POLE: variants seen among roughly 807,000 people sequenced by gnomAD.
The protein encoded by POLE is DNA polymerase epsilon, catalytic subunit, also known as DNA polymerase epsilon catalytic subunit A.
In POLE, 188 loss-of-function variants were observed where a neutral mutation model predicts 279.2. The ratio of observed to expected loss-of-function variants is 0.67; its 90% CI spans 0.60 to 0.76. POLE has a LOEUF of 0.76. POLE is among the 30% of genes least tolerant of loss of function. POLE has a pLI of 0.00. For synonymous variants in POLE, 1,214 were observed against 1,172.5 expected (o/e 1.04, Z -0.72); for missense variants, 2,703 against 3,016.7 (o/e 0.90, Z 2.44).
At chr12:132,627,623 T>C (rs1236698579) in intron 45 of POLE, among the ~76,000 whole-genome samples, 4 of 152,242 alleles carry the variant, frequency 2.6e-5, no homozygotes, top group Non-Finnish European at 5.9e-5. Flanking sequence ...CCCTATACTG[T>C]AGTCTATTAA....
At chr12:132,662,433 G>A (rs562453122) in intron 23 of POLE, among the ~76,000 whole-genome samples, 4 of 152,324 alleles carry the variant, frequency 2.6e-5, no homozygotes, top group African/African-American at 9.6e-5. Context: ...TATCACTGAA[G>A]GAGAAAGAAG....
chr12:132,668,894 G>A lies in POLE; in HGVS notation c.1840C>T (p.Pro614Ser). 6.2e-7 allele frequency: 1 copy of A among 1,614,158 alleles called. No individual in the cohort carries two copies. Among genetic ancestry groups the A allele is most frequent in the Non-Finnish European group, 8.5e-7 (1 of 1,180,002 alleles). Residue 614 changes from proline to serine, a missense_variant, in exon 17 of 49, where the codon CCC becomes TCC. Pro to Ser is a moderately conservative substitution (Grantham distance 74, BLOSUM62 -1). This residue lies in a region of POLE where 1,011 missense variants were observed against 1,111.7 expected (regional missense o/e 0.91). Transcript: ENST00000320574. This position sits in a 1 kb window ranked among gnomAD's most constrained non-coding sequence, Gnocchi z 4.0. The stretch of plus-strand genomic sequence containing the variant: ...ATGAGTGGACACTCGATGCGGCTGG[G>A]AACGTCCTTCAGGGAGGCAAGCTTG... The part of the protein sequence containing the change: ...KSKLASLKDV[P>S]SRIECPLIYH...
At position 132,625,701 on chromosome 12, in the gene POLE, T is replaced by C. The variant is rs878854895; in HGVS notation, c.6601A>G (p.Met2201Val). ...QAPYDSSAIE[M>V]TLVEVLQKKL... ...TTCTGTAGAACTTCCACCAGCGTCA[T>C]CTCGATGGCAGAGGAGTCGTAGGGC... Residue 2201 changes from methionine (M) to valine (V), a missense_variant, in exon 47 of 49, where the codon ATG becomes GTG. Physicochemically the swap from Met to Val is conservative, Grantham distance 21. Coordinates refer to ENST00000320574, the MANE Select transcript of POLE (RefSeq NM_006231.4). The C allele has an allele frequency of 3.1e-6, 5 of 1,613,582 alleles. No homozygotes were observed. In the East Asian group the frequency reaches 6.7e-5, roughly 22 times the overall value.
chr12:132,678,731 G>A (rs2043108702), intron 6 of POLE, among the ~76,000 whole-genome samples: 2 of 152,226 alleles, frequency 1.3e-5, no homozygotes, highest in African/African-American at 4.8e-5. Flanking sequence ...GCCTGTGCAT[G>A]GGTCTCTGCC....
rs562949487 is a variant in POLE at position 132,647,645 on chromosome 12, G to A, written c.4149+1284C>T. Among the ~76,000 whole-genome samples the A allele has an allele frequency of 7.2e-5, 11 of 152,180 alleles. No homozygotes were observed. In the South Asian group the frequency reaches 2.3e-3, roughly 32 times the overall value. On this transcript the variant is annotated intron_variant, in intron 32 of 48. Coordinates refer to ENST00000320574, the MANE Select transcript of POLE (RefSeq NM_006231.4). ...TGCTGACACCATCCAGTCAAACGTT[G>A]AGGACAGAATATTCACACAGCGCCA...
chr12:132,675,698 T>A lies in POLE; in HGVS notation c.1106+37A>T, dbSNP rs760609851. On this transcript the variant is annotated intron_variant, in intron 11 of 48. Transcript: ENST00000320574. This position sits in a 1 kb window ranked among gnomAD's most constrained non-coding sequence, Gnocchi z 4.3. ...ACCACGCAACGCCCTCCCTCTCAAATGCTGCCCAGTTACTCATAGAGAAGA... is the reference window on the plus strand; with the variant it reads ...ACCACGCAACGCCCTCCCTCTCAAAAGCTGCCCAGTTACTCATAGAGAAGA... 1 of 1,593,500 alleles carries A rather than the reference T, an allele frequency of 6.3e-7. No individual in the cohort carries two copies. Among genetic ancestry groups the A allele is most frequent in the Non-Finnish European group, 8.6e-7 (1 of 1,161,590 alleles).
intron 3 of POLE, 146 bp downstream of exon 3, chr12:132,680,461 A>AT: frequency 1.4e-6 from 1 of 696,512 alleles, no homozygotes. Flanking sequence ...ATCTTACGTG[A>AT]TGACTGATGG....
Position 132,672,813 on chromosome 12 carries a change from C to T in POLE, c.1500G>A (p.Leu500=), listed in dbSNP as rs2042961425. 3 of 1,614,180 alleles carry T rather than the reference C, an allele frequency of 1.9e-6. No individual in the cohort carries two copies. The highest frequency in any genetic ancestry group is 1.1e-5 in the South Asian group (1 of 91,084). Residue 500 remains leucine, a synonymous_variant, in exon 15 of 49, where the codon CTG becomes CTA. Coordinates refer to ENST00000320574, the MANE Select transcript of POLE (RefSeq NM_006231.4). The stretch of plus-strand genomic sequence containing the variant: ...CCTGCACCATCAGCAAGGCCTCACA[C>T]AGAGTGCCAGAGCCCTTCCGCAGCA... ...DEVLRKGSGT[L]CEALLMVQAF... is the part of the protein sequence containing the mutation.
chr12:132,637,117 T>C (rs1259150518), intron 41 of POLE, among the ~76,000 whole-genome samples: 1 of 152,232 alleles, frequency 6.6e-6, no homozygotes, highest in Non-Finnish European at 1.5e-5. Flanking sequence ...TCATCTTGGA[T>C]AGACATAAGG....
In POLE at chr12:132,632,664, C is replaced by T. The variant is rs1462887616; in HGVS notation, c.6136G>A (p.Gly2046Arg). The T allele has an allele frequency of 3.1e-6, 5 of 1,613,966 alleles. No homozygotes were observed. The highest frequency in any genetic ancestry group is 3.3e-5 in the Admixed American group (2 of 60,020). ...EAEGAVGALP[G>R]MITFSQDYVA... The stretch of plus-strand genomic sequence containing the variant: ...CCTCAAAAGACAAAAGACTGCTCAC[C>T]GGGAAGGGCTCCGACCGCCCCCTCG... The change falls in exon 44 of 49, where the codon GGA (glycine) becomes AGA (arginine). Residue 2046 changes from glycine (G) to arginine (R), a missense_variant and splice_region_variant. By Grantham distance (125) the Gly-to-Arg change is moderately radical. Transcript: ENST00000320574.
chr12:132,645,697 C>T (rs936082380), intron 32 of POLE, among the ~76,000 whole-genome samples: 1 of 152,042 alleles, frequency 6.6e-6, no homozygotes, highest in African/African-American at 2.4e-5. Context: ...CGTTATTTGG[C>T]GTAACAACAA....
Position 132,639,392 on chromosome 12 carries a change from TA to T in POLE, c.5379-95del. ...AACTGAAATGGGCACAGGTTTTCCC[TA>T]CACGGCTGGGTCCAAATCCGTCACT... On this transcript the variant is annotated intron_variant, in intron 39 of 48. Coordinates refer to ENST00000320574, the MANE Select transcript of POLE (RefSeq NM_006231.4). This position sits in a 1 kb window ranked among gnomAD's most constrained non-coding sequence, Gnocchi z 4.7. The T allele has an allele frequency of 8.2e-7, 1 of 1,212,834 alleles. No individual in the cohort carries two copies. The highest frequency in any genetic ancestry group is 1.2e-6 in the Non-Finnish European group (1 of 854,814). The allele number at this position is 1,212,834 out of a possible 1,614,324, so 75.1% of individuals were successfully genotyped here.
At chr12:132,657,031 G>T in intron 29 of POLE, 105 bp downstream of exon 29, 1 of 1,268,682 alleles carries the variant, frequency 7.9e-7, no homozygotes. Context: ...CATTTTCGAT[G>T]CTTGAACAGA....
At position 132,632,496 on chromosome 12, in the gene POLE, A is replaced by G. The variant is rs1335118491; in HGVS notation, c.6149T>C (p.Phe2050Ser). 2 of 1,613,892 alleles carry G rather than the reference A, an allele frequency of 1.2e-6. No individual in the cohort carries two copies. The highest frequency in any genetic ancestry group is 1.3e-5 in the African/African-American group (1 of 74,896). Residue 2050 changes from phenylalanine (F) to serine (S), a missense_variant, in exon 45 of 49, where the codon TTC (phenylalanine) becomes TCC (serine). By Grantham distance (155) the Phe-to-Ser change is radical. Transcript: ENST00000320574. The stretch of plus-strand genomic sequence containing the variant: ...CTCATTTGCGACATAATCCTGAGAG[A>G]AGGTGATCATTCCTGGAAGTATAAG... Reference protein sequence around the residue: ...AVGALPGMITFSQDYVANELT... With the variant: ...AVGALPGMITSSQDYVANELT...
chr12:132,679,565 G>C lies in POLE; in HGVS notation c.510C>G (p.Ile170Met), dbSNP rs374074035. The C allele has an allele frequency of 6.2e-7, 1 of 1,614,118 alleles. No homozygotes were observed. The highest frequency in any genetic ancestry group is 1.6e-4 in the Middle Eastern group (1 of 6,062). ...VEDLVKVRKE[I>M]SPAVKKNREQ... ...CCCTGTTCTTCTTCACGGCAGGGGAGATCTCCTTCCTCACTTTGACAAGAT... is the reference window on the plus strand; with the variant it reads ...CCCTGTTCTTCTTCACGGCAGGGGACATCTCCTTCCTCACTTTGACAAGAT... The change falls in exon 6 of 49, where the codon ATC becomes ATG. Residue 170 changes from isoleucine (I) to methionine (M), a missense_variant. This residue lies in a region of POLE where 1,011 missense variants were observed against 1,111.7 expected (regional missense o/e 0.91). Transcript: ENST00000320574.
Position 132,661,401 on chromosome 12 carries a change from T to C in POLE, c.2864+126A>G. 1.8e-6 allele frequency: 2 copies of C among 1,103,054 alleles called. No homozygotes were observed. Among genetic ancestry groups the C allele is most frequent in the Non-Finnish European group, 2.6e-6 (2 of 762,890 alleles). The allele number at this position is 1,103,054 out of a possible 1,614,324, so 68.3% of individuals were successfully genotyped here. A position where few individuals can be genotyped will look rare whatever the true frequency, so the allele number is the denominator to read the frequency against. ...GCAGACAGAGCTGGTGCAAACGGAA[T>C]CAGTAAGATCACAAGAACCCAGGTC... On this transcript the variant is annotated intron_variant, in intron 24 of 48. Transcript: ENST00000320574. The surrounding 1 kb of genome is among the most constrained non-coding windows in gnomAD (Gnocchi z 4.1).
In POLE at chr12:132,668,424, C is replaced by T. The variant is rs1320446827; in HGVS notation, c.2105G>A (p.Gly702Glu). Residue 702 changes from glycine to glutamate, a missense_variant, in exon 19 of 49, where the codon GGG (glycine) becomes GAG (glutamate). Gly to Glu is a moderately conservative substitution (Grantham distance 98). This residue lies in a region of POLE where 1,011 missense variants were observed against 1,111.7 expected (regional missense o/e 0.91). Coordinates refer to ENST00000320574, the MANE Select transcript of POLE (RefSeq NM_006231.4). This position sits in a 1 kb window ranked among gnomAD's most constrained non-coding sequence, Gnocchi z 4.0. ...SEKFPPLFPE[G>E]PARAFHELSR... ...CAGTTCATGAAAGGCCCGAGCTGGC[C>T]CCTCTGGGAACAAGGGGGGGAACTT... 2.5e-6 allele frequency: 4 copies of T among 1,612,738 alleles called. No homozygotes were observed. In the Admixed American group the frequency reaches 6.7e-5, roughly 27 times the overall value.
chr12:132,680,695 A>G lies in POLE; in HGVS notation c.205-8T>C. On this transcript the variant is annotated splice_region_variant and splice_polypyrimidine_tract_variant and intron_variant, in intron 2 of 48. Coordinates refer to ENST00000320574, the MANE Select transcript of POLE (RefSeq NM_006231.4). ...TTCATCTAAAATCTCGGTCTACAAGAGAATCAGTCAACACAGACACAAGAC... is the reference window on the plus strand; with the variant it reads ...TTCATCTAAAATCTCGGTCTACAAGGGAATCAGTCAACACAGACACAAGAC... 1.2e-6 allele frequency: 2 copies of G among 1,607,698 alleles called. No individual in the cohort carries two copies. The highest frequency in any genetic ancestry group is 1.1e-5 in the South Asian group (1 of 90,960).
intron 45 of POLE, among the ~76,000 whole-genome samples, chr12:132,626,565 AAC>A (rs1363770979): frequency 6.6e-6 from 1 of 152,258 alleles, no homozygotes; most frequent in Admixed American, 6.5e-5. Flanking sequence ...TATCTTTCAA[AAC>A]ACTGAAGAGA....
Sources: allele counts gnomAD v4.1 joint callset (sites outside exome capture counted in the v4.1 genomes callset), GRCh38; gene constraint gnomAD v4.1.1; regional missense constraint gnomAD v4.1.1; non-coding constraint Gnocchi (gnomAD v3.1); transcripts MANE v1.5; gene names NCBI Gene and HGNC (gene_info 2026-07-23, HGNC 2026-07-21).